The following CTNNA3 variants were observed in gnomAD, a reference collection of about 807,000 sequenced individuals.
The protein encoded by CTNNA3 is catenin alpha-3.
Under a neutral mutation model 95.7 loss-of-function variants are expected in CTNNA3, and 76 were observed. The ratio of observed to expected loss-of-function variants is 0.79; its 90% CI spans 0.66 to 0.96. The LOEUF is 0.96. Among genes scored for constraint, CTNNA3 ranks in the 40% least tolerant of loss-of-function variants. CTNNA3 has a pLI of 0.00. For missense variants in CTNNA3, 1,191 were observed against 1,089.8 expected (o/e 1.09, Z -1.31); for synonymous variants, 431 against 374.4 (o/e 1.15, Z -1.74).
At chr10:66,460,857 T>G (rs1038130930) in intron 11 of CTNNA3, among the ~76,000 whole-genome samples, 7 of 152,212 alleles carry the variant, frequency 4.6e-5, no homozygotes, top group Admixed American at 4.6e-4. Context: ...ATCTTTTTTT[T>G]CTCTCAAGAA....
At position 66,157,530 on chromosome 10, in the gene CTNNA3, GATAGAT is replaced by G. The variant is rs1410473287; in HGVS notation, c.1885-54287_1885-54282del. Among the ~76,000 whole-genome samples the G allele has an allele frequency of 3.9e-4, 43 of 109,466 alleles. No individual in the cohort carries two copies. The East Asian group carries it at 0.01, about 26-fold the overall frequency. The allele number at this position is 109,466 out of a possible 152,430, so 71.8% of individuals were successfully genotyped here. On this transcript the variant is annotated intron_variant, in intron 13 of 17. Coordinates refer to ENST00000433211, the MANE Select transcript of CTNNA3 (RefSeq NM_013266.4). Reference sequence around the variant, plus strand: ...AGATAGATAGATAGATAGATAGATAGATAGATAGATAATCACACTTTCTTTATCCAT... The same window carrying G: ...AGATAGATAGATAGATAGATAGATAGAGATAATCACACTTTCTTTATCCAT...
intron 7 of CTNNA3, among the ~76,000 whole-genome samples, chr10:67,153,096 C>T (rs562520321): frequency 4.6e-5 from 7 of 152,068 alleles, no homozygotes; most frequent in Non-Finnish European, 8.8e-5. Flanking sequence ...CTGCCTCAGC[C>T]TCCCGAGTAG....
intron 6 of CTNNA3, among the ~76,000 whole-genome samples, chr10:67,187,404 G>A (rs1341104451): frequency 6.6e-6 from 1 of 151,954 alleles, no homozygotes; most frequent in Non-Finnish European, 1.5e-5. Flanking sequence ...ACCACTCTGG[G>A]GAAACTGAGA....
At chr10:67,180,836 C>T (rs922962836) in intron 6 of CTNNA3, among the ~76,000 whole-genome samples, 6 of 152,032 alleles carry the variant, frequency 3.9e-5, no homozygotes, top group African/African-American at 7.2e-5. Flanking sequence ...ATTAATGTTG[C>T]GTGTGTTGTA....
chr10:67,212,085 C>T (rs1199718482), intron 6 of CTNNA3, among the ~76,000 whole-genome samples: 3 of 151,968 alleles, frequency 2.0e-5, no homozygotes, highest in Admixed American at 1.3e-4. Context: ...ATAAACAGTA[C>T]ATTGTTGTAG....
intron 9 of CTNNA3, among the ~76,000 whole-genome samples, chr10:66,762,657 A>G (rs1839647085): frequency 1.3e-5 from 2 of 151,614 alleles, no homozygotes; most frequent in African/African-American, 4.8e-5. Context: ...TGTCCTCCTC[A>G]TTCCCGTTTG....
chr10:67,271,912 C>T (rs1424506936), intron 5 of CTNNA3, among the ~76,000 whole-genome samples: 1 of 152,156 alleles, frequency 6.6e-6, no homozygotes, highest in Non-Finnish European at 1.5e-5. Flanking sequence ...ACAGCATAAA[C>T]CACCAACCAG....
At chr10:66,197,336 CTCTATCTA>C (rs200815679) in intron 13 of CTNNA3, among the ~76,000 whole-genome samples, 9,598 of 148,108 alleles carry the variant, frequency 0.065, 407 homozygotes, top group Non-Finnish European at 0.097. Flanking sequence ...CAATCCAAAT[CTCTATCTA>C]TCTATCTATC....
intron 4 of CTNNA3, among the ~76,000 whole-genome samples, chr10:67,531,829 C>CCAGTGGGAGGTGATTGAATTA (rs1840337470): frequency 6.6e-6 from 1 of 152,126 alleles, no homozygotes; most frequent in Non-Finnish European, 1.5e-5. Flanking sequence ...ATGGGAGGAA[C>CCAGTGGGAGGTGATTGAATTA]CAGTGGGAGG....
chr10:66,954,665 G>T (rs1337084428), intron 7 of CTNNA3, among the ~76,000 whole-genome samples: 1 of 152,154 alleles, frequency 6.6e-6, no homozygotes, highest in Non-Finnish European at 1.5e-5. Context: ...GATAAATTTG[G>T]ATTAAAATCC....
chr10:66,767,607 A>AC (rs1839921694), intron 8 of CTNNA3, among the ~76,000 whole-genome samples: 1 of 151,938 alleles, frequency 6.6e-6, no homozygotes, highest in East Asian at 1.9e-4. Flanking sequence ...AGAAAAATGT[A>AC]ATTTTTCTGT....
intron 12 of CTNNA3, among the ~76,000 whole-genome samples, chr10:66,371,415 GGT>G (rs2092753337): frequency 6.6e-6 from 1 of 152,026 alleles, no homozygotes; most frequent in Non-Finnish European, 1.5e-5. Flanking sequence ...AATTTGGAGT[GGT>G]ATCATAATAC....
At chr10:66,227,766 G>T (rs1332510399) in intron 13 of CTNNA3, among the ~76,000 whole-genome samples, 1 of 151,970 alleles carries the variant, frequency 6.6e-6, no homozygotes, top group Non-Finnish European at 1.5e-5. Flanking sequence ...TAAAAATTTG[G>T]TAGAATTTAG....
intron 12 of CTNNA3, among the ~76,000 whole-genome samples, chr10:66,346,244 TATAGAGAGAGAGAG>T (rs2092516647): frequency 2.2e-4 from 2 of 9,038 alleles, no homozygotes; most frequent in Non-Finnish European, 4.8e-4. Context: ...TATATATATA[TATAGAGAGAGAGAG>T]AGAGAGAGAG....
At chr10:66,017,125 T>C (rs115075720) in intron 15 of CTNNA3, among the ~76,000 whole-genome samples, 1,910 of 152,260 alleles carry the variant, frequency 0.013, 31 homozygotes, top group African/African-American at 0.044. Context: ...GATTTAGACC[T>C]TTGATTGGAT....
chr10:66,174,541 C>T lies in CTNNA3; in HGVS notation c.1885-71292G>A, dbSNP rs1442266517. On this transcript the variant is annotated intron_variant, in intron 13 of 17. Coordinates refer to ENST00000433211, the MANE Select transcript of CTNNA3 (RefSeq NM_013266.4). ...TAATTAAATTAACATACAGTTGACC[C>T]TTGAACAACATGGGTTTGAACTATG... Among the ~76,000 whole-genome samples the T allele has an allele frequency of 2.6e-5, 4 of 151,974 alleles. No individual in the cohort carries two copies. In the South Asian group the frequency reaches 8.3e-4, roughly 32 times the overall value.
chr10:66,995,375 T>A (rs1368415458), intron 7 of CTNNA3, among the ~76,000 whole-genome samples: 2 of 152,142 alleles, frequency 1.3e-5, no homozygotes, highest in Non-Finnish European at 2.9e-5. Flanking sequence ...GCCATAGCCT[T>A]GGTTCAAGTC....
At chr10:66,167,862 C>T (rs114704250) in intron 13 of CTNNA3, among the ~76,000 whole-genome samples, 1,526 of 152,266 alleles carry the variant, frequency 0.01, 33 homozygotes, top group African/African-American at 0.035. Flanking sequence ...CAGGTAGCCA[C>T]CAGAGGCATC....
chr10:65,993,404 C>T (rs940879042), intron 15 of CTNNA3, among the ~76,000 whole-genome samples: 1 of 152,098 alleles, frequency 6.6e-6, no homozygotes, highest in African/African-American at 2.4e-5. Flanking sequence ...ATAATATTTG[C>T]TTCATATATC....
Sources: gnomAD v4.1 joint callset for allele counts (sites outside exome capture counted in the v4.1 genomes callset) on GRCh38, gnomAD v4.1.1 for gene constraint, MANE v1.5 for transcripts, NCBI Gene and HGNC (gene_info 2026-07-23, HGNC 2026-07-21) for gene names.